Variants in PHKB observed in about 807,000 individuals in gnomAD.
The protein encoded by PHKB is phosphorylase b kinase regulatory subunit beta.
PHKB carries 122 observed loss-of-function variants against 152.1 expected under a neutral mutation model. That is an observed-to-expected ratio of 0.80 (90% CI 0.69 to 0.93). PHKB has a LOEUF of 0.93. PHKB is among the 40% of genes least tolerant of loss of function. The pLI, the probability that PHKB is intolerant of heterozygous loss-of-function variation, is 0.00. For missense variants in PHKB, 1,304 were observed against 1,328.4 expected, an observed-to-expected ratio of 0.98 and a Z score of 0.29; for synonymous variants, 436 against 464.9, an observed-to-expected ratio of 0.94 and a Z score of 0.80.
chr16:47,681,147 A>G (rs562124599), intron 26 of PHKB, among the ~76,000 whole-genome samples: 10 of 152,232 alleles, frequency 6.6e-5, no homozygotes, highest in African/African-American at 2.4e-4. Flanking sequence ...GTTTGTTACA[A>G]TTTCTGTTCT....
At chr16:47,673,373 G>A (rs1973670114) in intron 26 of PHKB, among the ~76,000 whole-genome samples, 1 of 152,076 alleles carries the variant, frequency 6.6e-6, no homozygotes, top group Non-Finnish European at 1.5e-5. Context: ...GAAGTAAATG[G>A]CTCTTAATTT....
chr16:47,681,268 T>C (rs984734839), intron 26 of PHKB, among the ~76,000 whole-genome samples: 6 of 151,584 alleles, frequency 4.0e-5, no homozygotes, highest in African/African-American at 1.2e-4. Context: ...TGGAGAGTTC[T>C]GTAGATGTCT....
intron 1 of PHKB, among the ~76,000 whole-genome samples, chr16:47,470,965 G>C (rs547901548): frequency 8.1e-4 from 124 of 152,250 alleles, no homozygotes; most frequent in Non-Finnish European, 1.5e-3. Flanking sequence ...GTTTCCTACT[G>C]AACTTTGCTA....
At chr16:47,635,569 A>G (rs1334489096) in intron 14 of PHKB, among the ~76,000 whole-genome samples, 1 of 152,204 alleles carries the variant, frequency 6.6e-6, no homozygotes, top group Non-Finnish European at 1.5e-5. Flanking sequence ...CAGTAGATTT[A>G]AGGATGGAGA....
intron 14 of PHKB, among the ~76,000 whole-genome samples, chr16:47,622,203 A>T (rs62061099): frequency 4.6e-5 from 7 of 152,180 alleles, no homozygotes; most frequent in Non-Finnish European, 8.8e-5. Flanking sequence ...AAGAAATCTC[A>T]GTTATTCATA....
At chr16:47,500,196 C>T (rs2151643076) in intron 3 of PHKB, among the ~76,000 whole-genome samples, 1 of 152,180 alleles carries the variant, frequency 6.6e-6, no homozygotes, top group South Asian at 2.1e-4. Flanking sequence ...CACTACCACG[C>T]CTGGCTAATT....
At chr16:47,535,883 A>G (rs1399664539) in intron 6 of PHKB, among the ~76,000 whole-genome samples, 9 of 152,178 alleles carry the variant, frequency 5.9e-5, no homozygotes, top group Non-Finnish European at 1.2e-4. Flanking sequence ...ATTTCTCTAC[A>G]TACTTTTTGC....
rs746765707 is a variant in PHKB at position 47,669,358 on chromosome 16, T to C, written c.2571T>C (p.Ile857=). 3 of 1,614,196 alleles carry C rather than the reference T, an allele frequency of 1.9e-6. No individual in the cohort carries two copies. The South Asian group carries it at 3.3e-5, about 18-fold the overall frequency. The stretch of plus-strand genomic sequence containing the variant: ...TTCAGCAAGAACTGGTCATCCATAT[T>C]GGCTGGATCATCTCCAATAACCCTG... The part of the protein sequence containing the change: ...AVIQQELVIH[I]GWIISNNPEL... The change falls in exon 26 of 31, where the codon ATT becomes ATC. Residue 857 remains isoleucine (I), a synonymous_variant. Transcript: ENST00000323584.
chr16:47,475,302 A>C (rs559855720), intron 1 of PHKB, among the ~76,000 whole-genome samples: 1 of 152,196 alleles, frequency 6.6e-6, no homozygotes, highest in African/African-American at 2.4e-5. Flanking sequence ...ATATATTTTG[A>C]AGATGGAAGT....
chr16:47,653,049 C>T (rs1346640874), intron 20 of PHKB, among the ~76,000 whole-genome samples: 1 of 151,314 alleles, frequency 6.6e-6, no homozygotes, highest in Non-Finnish European at 1.5e-5. Context: ...GATGAATTCA[C>T]TTATAAGGTG....
At chr16:47,673,775 A>C (rs138922849) in intron 26 of PHKB, among the ~76,000 whole-genome samples, 67 of 152,358 alleles carry the variant, frequency 4.4e-4, no homozygotes, top group African/African-American at 1.6e-3. Context: ...CTAAGCAATG[A>C]ATAATAGAAG....
At chr16:47,516,466 T>C (rs528886297) in intron 6 of PHKB, among the ~76,000 whole-genome samples, 1 of 152,340 alleles carries the variant, frequency 6.6e-6, no homozygotes, top group South Asian at 2.1e-4. Flanking sequence ...GCACATGCGC[T>C]GATGTACTTT....
Position 47,594,206 on chromosome 16 carries a change from C to T in PHKB, c.1196C>T (p.Thr399Ile), listed in dbSNP as rs778554476. ...QDLLTPVLHH[T>I]TEGYPVVPKY... ...CTTTTGACTCCAGTACTTCATCATA[C>T]CACAGAAGGTATAGTTGTTTTTTTA... Residue 399 changes from threonine (T) to isoleucine (I), a missense_variant, in exon 12 of 31, where the codon ACC becomes ATC. Physicochemically the swap from Thr to Ile is moderately conservative, Grantham distance 89. Transcript: ENST00000323584. 1.3e-6 allele frequency: 2 copies of T among 1,527,376 alleles called. No homozygotes were observed. Among genetic ancestry groups the T allele is most frequent in the South Asian group, 2.2e-5 (2 of 89,268 alleles). 94.6% of individuals were successfully genotyped at this position (1,527,376 alleles called of 1,614,324 possible). A position where few individuals can be genotyped will look rare whatever the true frequency, so the allele number is the denominator to read the frequency against.
At chr16:47,546,918 A>G (rs912214028) in intron 6 of PHKB, among the ~76,000 whole-genome samples, 2 of 152,148 alleles carry the variant, frequency 1.3e-5, no homozygotes, top group African/African-American at 4.8e-5. Flanking sequence ...AGCAAGGTGC[A>G]GGATATAATC....
At position 47,596,531 on chromosome 16, in the gene PHKB, G is replaced by A; in HGVS notation, c.1363G>A (p.Ala455Thr). 3 of 1,613,138 alleles carry A rather than the reference G, an allele frequency of 1.9e-6. No individual in the cohort carries two copies. Among genetic ancestry groups the A allele is most frequent in the Non-Finnish European group, 2.5e-6 (3 of 1,179,328 alleles). Residue 455 changes from alanine (A) to threonine (T), a missense_variant and splice_region_variant, in exon 13 of 31, where the codon GCT (alanine) becomes ACT (threonine). Physicochemically the swap from Ala to Thr is moderately conservative, Grantham distance 58. Coordinates refer to ENST00000323584, the MANE Select transcript of PHKB (RefSeq NM_000293.3). ...QALYIIAKLL[A>T]DELISPKDID... ...ACTTTATATCATCGCAAAACTCCTG[G>A]GTAAGTGGAGAAGATTGGGAATGGT... is the stretch of plus-strand genomic sequence containing the variant.
intron 13 of PHKB, among the ~76,000 whole-genome samples, chr16:47,605,203 T>C (rs1972300850): frequency 6.6e-6 from 1 of 152,212 alleles, no homozygotes; most frequent in African/African-American, 2.4e-5. Flanking sequence ...AGTAAGTGTA[T>C]TGAGTGCCTA....
chr16:47,501,781 G>A (rs1352222860), intron 3 of PHKB, among the ~76,000 whole-genome samples: 1 of 152,116 alleles, frequency 6.6e-6, no homozygotes, highest in Non-Finnish European at 1.5e-5. Flanking sequence ...AAGAGGATAG[G>A]CAGCATATGG....
chr16:47,668,907 A>G (rs1041576147), intron 25 of PHKB, among the ~76,000 whole-genome samples: 1 of 152,184 alleles, frequency 6.6e-6, no homozygotes, highest in African/African-American at 2.4e-5. Context: ...TTCTAGTACT[A>G]AAGTCATTCA....
At chr16:47,595,044 A>G (rs1176444045) in intron 12 of PHKB, among the ~76,000 whole-genome samples, 4 of 152,244 alleles carry the variant, frequency 2.6e-5, no homozygotes, top group Non-Finnish European at 5.9e-5. Context: ...TTCAAAGTGA[A>G]TATTAATTTT....
Sources: allele counts gnomAD v4.1 joint callset (sites outside exome capture counted in the v4.1 genomes callset), GRCh38; gene constraint gnomAD v4.1.1; transcripts MANE v1.5; gene names NCBI Gene and HGNC (gene_info 2026-07-23, HGNC 2026-07-21).